RBFOX1: variants seen among roughly 807,000 people sequenced by gnomAD.
The protein encoded by RBFOX1 is RNA binding fox-1 homolog 1.
RBFOX1 carries 8 observed loss-of-function variants against 57.7 expected under a neutral mutation model. The observed-to-expected ratio is 0.14, with a 90% CI of 0.08 to 0.25. RBFOX1 has a LOEUF of 0.25. RBFOX1 is among the 10% of genes least tolerant of loss of function. The probability of loss-of-function intolerance (pLI) is 1.00; values close to 1 mark genes in which losing one functional copy is unlikely to be tolerated. For missense variants in RBFOX1, 611 were observed against 548.5 expected (o/e 1.11, Z -1.14); for synonymous variants, 326 against 222.4 (o/e 1.47, Z -4.15).
intron 2 of RBFOX1, among the ~76,000 whole-genome samples, chr16:6,638,917 C>T (rs2098465151): frequency 6.6e-6 from 1 of 152,092 alleles, no homozygotes; most frequent in Non-Finnish European, 1.5e-5. Context: ...CATTTTCTAC[C>T]AGGAAGCAAA....
chr16:6,536,460 C>A (rs907197278), intron 2 of RBFOX1, among the ~76,000 whole-genome samples: 1 of 152,172 alleles, frequency 6.6e-6, no homozygotes, highest in Non-Finnish European at 1.5e-5. Context: ...TATGGGACAT[C>A]CCTCATAAAT....
chr16:5,640,431 A>T (rs1214912486), intron 3 of RBFOX1, among the ~76,000 whole-genome samples: 2 of 152,066 alleles, frequency 1.3e-5, no homozygotes, highest in African/African-American at 4.8e-5. Flanking sequence ...ACACATACAC[A>T]TGCACATGAA....
chr16:5,703,127 C>T (rs964308), intron 3 of RBFOX1, among the ~76,000 whole-genome samples: 3,991 of 152,216 alleles, frequency 0.026, 77 homozygotes, highest in Middle Eastern at 0.044. Flanking sequence ...CATTTACAGT[C>T]TAAGGCATGA....
rs180995592 is a variant in RBFOX1 at position 5,917,721 on chromosome 16, C to T, written c.351+50386C>T. Among the ~76,000 whole-genome samples the T allele has an allele frequency of 8.5e-5, 13 of 152,318 alleles. No individual in the cohort carries two copies. The East Asian group carries it at 2.5e-3, about 29-fold the overall frequency. On this transcript the variant is annotated intron_variant, in intron 4 of 19. Transcript: ENST00000641259. ...CTTCCCTGGATACCTGACATAACCT[C>T]TCCCTTGCTTCACCACGTGATCCCT...
At chr16:6,410,357 G>A (rs1040321397) in intron 2 of RBFOX1, among the ~76,000 whole-genome samples, 4 of 146,156 alleles carry the variant, frequency 2.7e-5, no homozygotes, top group African/African-American at 1.0e-4. Context: ...GCCCAGGCTG[G>A]AGGGAGGGCA....
chr16:5,722,450 G>T (rs2051970391), intron 3 of RBFOX1, among the ~76,000 whole-genome samples: 1 of 152,160 alleles, frequency 6.6e-6, no homozygotes, highest in Non-Finnish European at 1.5e-5. Flanking sequence ...CACATTTGCT[G>T]TAGAGAAATC....
chr16:6,408,262 G>T (rs1392114356), intron 2 of RBFOX1, among the ~76,000 whole-genome samples: 3 of 152,098 alleles, frequency 2.0e-5, no homozygotes, highest in African/African-American at 7.2e-5. Context: ...TCTATAAAGT[G>T]CTGTTGTTTG....
At chr16:7,097,877 G>A (rs539079305) in intron 4 of RBFOX1, among the ~76,000 whole-genome samples, 1 of 152,316 alleles carries the variant, frequency 6.6e-6, no homozygotes, top group Non-Finnish European at 1.5e-5. Context: ...GGGAATCCTT[G>A]AATAAATCAT....
intron 1 of RBFOX1, among the ~76,000 whole-genome samples, chr16:5,433,857 G>C (rs890120371): frequency 3.3e-5 from 5 of 152,128 alleles, no homozygotes; most frequent in African/African-American, 1.2e-4. Flanking sequence ...GTTATTACAT[G>C]GATGGATGGA....
intron 2 of RBFOX1, among the ~76,000 whole-genome samples, chr16:6,334,009 G>A (rs1029140561): frequency 6.6e-6 from 1 of 152,100 alleles, no homozygotes; most frequent in Non-Finnish European, 1.5e-5. Flanking sequence ...GGGGGAGCAG[G>A]AAACAGAATG....
At chr16:6,557,044 T>TAC (rs2097110743) in intron 2 of RBFOX1, among the ~76,000 whole-genome samples, 2 of 127,176 alleles carry the variant, frequency 1.6e-5, no homozygotes, top group East Asian at 2.2e-4. Context: ...CACATATATA[T>TAC]ACATATATAT....
chr16:7,280,967 C>CCCTG (rs2095530482), intron 4 of RBFOX1, among the ~76,000 whole-genome samples: 2 of 102,324 alleles, frequency 2.0e-5, no homozygotes, highest in Non-Finnish European at 3.8e-5. Context: ...CTCCCTCCCT[C>CCCTG]CCTCCCTCCC....
At chr16:5,812,890 T>C (rs9936904) in intron 3 of RBFOX1, among the ~76,000 whole-genome samples, 107,727 of 152,110 alleles carry the variant, frequency 0.71, 38,481 homozygotes, top group African/African-American at 0.79. Context: ...ATGTGTGTAT[T>C]TTCTTTGGTG....
Position 7,683,105 on chromosome 16 carries a change from A to G in RBFOX1, c.995+6267A>G, listed in dbSNP as rs192756850. Among the ~76,000 whole-genome samples the G allele has an allele frequency of 8.3e-4, 101 of 121,046 alleles. 2 individuals carry two copies. The highest frequency in any genetic ancestry group is 6.3e-3 in the South Asian group (22 of 3,472). The allele number at this position is 121,046 out of a possible 152,430, so 79.4% of individuals were successfully genotyped here. ...AAATTAGGATAACTAAGATAATTCT[A>G]TTTCCTCCTGATCTGCTCTGTAGAC... On this transcript the variant is annotated intron_variant, in intron 14 of 15. Coordinates refer to ENST00000550418, the MANE Select transcript of RBFOX1 (RefSeq NM_018723.4).
intron 3 of RBFOX1, among the ~76,000 whole-genome samples, chr16:6,673,821 A>G (rs917010045): frequency 6.6e-6 from 1 of 152,162 alleles, no homozygotes; most frequent in African/African-American, 2.4e-5. Flanking sequence ...TGGACAGAGA[A>G]TGATAGCCAA....
intron 2 of RBFOX1, among the ~76,000 whole-genome samples, chr16:6,526,576 A>G (rs2096580635): frequency 6.6e-6 from 1 of 152,084 alleles, no homozygotes; most frequent in Non-Finnish European, 1.5e-5. Context: ...CATGCCTGTA[A>G]TCCCAGCACT....
At chr16:6,534,803 T>C (rs1281536622) in intron 2 of RBFOX1, among the ~76,000 whole-genome samples, 1 of 152,168 alleles carries the variant, frequency 6.6e-6, no homozygotes, top group Non-Finnish European at 1.5e-5. Flanking sequence ...TGTATATGTG[T>C]GTGTTGGCAA....
At chr16:5,856,284 TAC>T (rs57736862) in intron 3 of RBFOX1, among the ~76,000 whole-genome samples, 20,397 of 85,912 alleles carry the variant, frequency 0.24, 3,570 homozygotes, top group Middle Eastern at 0.28. Context: ...CACATATATA[TAC>T]ACACACACAC....
chr16:7,219,606 G>T lies in RBFOX1; in HGVS notation c.27+167508G>T, dbSNP rs8046685. Among the ~76,000 whole-genome samples the T allele has an allele frequency of 3.2e-3, 484 of 152,286 alleles. 8 individuals carry two copies. Among genetic ancestry groups the T allele is most frequent in the African/African-American group, 0.011 (452 of 41,564 alleles). ...GGCATAGCTGTTGTAGAAAGAACAAGCGTGGCGGATTTTTCACACTTGATG... is the reference window on the plus strand; with the variant it reads ...GGCATAGCTGTTGTAGAAAGAACAATCGTGGCGGATTTTTCACACTTGATG... On this transcript the variant is annotated intron_variant, in intron 4 of 15. Coordinates refer to ENST00000550418, the MANE Select transcript of RBFOX1 (RefSeq NM_018723.4).
Sources: gnomAD v4.1 joint callset for allele counts (sites outside exome capture counted in the v4.1 genomes callset) on GRCh38, gnomAD v4.1.1 for gene constraint, MANE v1.5 for transcripts, NCBI Gene and HGNC (gene_info 2026-07-23, HGNC 2026-07-21) for gene names.